The following PDGFC variants were observed in gnomAD, a reference collection of about 807,000 sequenced individuals.
PDGFC encodes platelet derived growth factor C, also known as platelet-derived growth factor C.
A neutral mutation model predicts 35.5 loss-of-function variants in PDGFC; 12 were observed. The observed-to-expected ratio is 0.34, with a 90% confidence interval of 0.22 to 0.55. The LOEUF (loss-of-function observed/expected upper bound fraction) is 0.55, where lower values mean the gene tolerates loss of function less well. Among genes scored for constraint, PDGFC ranks in the 20% least tolerant of loss-of-function variants. The pLI, the probability that PDGFC is intolerant of heterozygous loss-of-function variation, is 0.91. For synonymous variants in PDGFC, 159 were observed against 148.8 expected (o/e 1.07, Z -0.50); for missense variants, 322 against 412.4 (o/e 0.78, Z 1.90).
chr4:156,897,663 A>G (rs959643421), intron 1 of PDGFC, among the ~76,000 whole-genome samples: 26 of 152,330 alleles, frequency 1.7e-4, no homozygotes, highest in African/African-American at 6.3e-4. Flanking sequence ...ATCAATATCT[A>G]CATTAACAGA....
At chr4:156,834,693 A>G (rs1368126587) in intron 2 of PDGFC, among the ~76,000 whole-genome samples, 1 of 152,170 alleles carries the variant, frequency 6.6e-6, no homozygotes, top group Non-Finnish European at 1.5e-5. Flanking sequence ...CTTACTTGAG[A>G]TTTGAAAATT....
In PDGFC at chr4:156,828,800, A is replaced by C. The variant is rs189957489; in HGVS notation, c.315-17783T>G. On this transcript the variant is annotated intron_variant, in intron 2 of 5. Transcript: ENST00000502773. ...TGTATATACTTTAAGAATATTCATGACCAATCAATAAAATCAATCACTTGG... is the reference window on the plus strand; with the variant it reads ...TGTATATACTTTAAGAATATTCATGCCCAATCAATAAAATCAATCACTTGG... Among the ~76,000 whole-genome samples the C allele has an allele frequency of 2.9e-3, 442 of 152,288 alleles. 3 individuals are homozygous for C. The highest frequency in any genetic ancestry group is 0.01 in the African/African-American group (418 of 41,576).
chr4:156,842,622 T>C (rs1303270865), intron 2 of PDGFC, among the ~76,000 whole-genome samples: 2 of 152,086 alleles, frequency 1.3e-5, no homozygotes, highest in Non-Finnish European at 2.9e-5. Flanking sequence ...GAAGTTCAAA[T>C]CTCTCAGCTT....
In PDGFC at chr4:156,971,073, T is replaced by C. The variant is rs1732581710; in HGVS notation, c.-170A>G. Reference sequence around the variant, plus strand: ...CCACATAATCCCATCCAAAACTTTTTCCTAGAGCCCTCTTCTGTGTCTCCA... The same window carrying C: ...CCACATAATCCCATCCAAAACTTTTCCCTAGAGCCCTCTTCTGTGTCTCCA... On this transcript the variant is annotated 5_prime_UTR_variant, in exon 1 of 6. Transcript: ENST00000502773. 8.6e-6 allele frequency: 5 copies of C among 581,760 alleles called. No individual in the cohort carries two copies. Among genetic ancestry groups the C allele is most frequent in the Non-Finnish European group, 1.5e-5 (5 of 325,380 alleles). 36.0% of individuals were successfully genotyped at this position (581,760 alleles called of 1,614,324 possible).
At chr4:156,851,804 G>T (rs557174701) in intron 1 of PDGFC, among the ~76,000 whole-genome samples, 287 of 151,648 alleles carry the variant, frequency 1.9e-3, no homozygotes, top group African/African-American at 6.7e-3. Context: ...AGGGGCGGGC[G>T]CCTGTAGTCC....
intron 1 of PDGFC, among the ~76,000 whole-genome samples, chr4:156,901,610 T>C (rs930248265): frequency 1.3e-5 from 2 of 151,498 alleles, no homozygotes; most frequent in Admixed American, 6.6e-5. Flanking sequence ...TTATTATTAT[T>C]ATTATTATTA....
intron 1 of PDGFC, among the ~76,000 whole-genome samples, chr4:156,901,075 T>C (rs1433693593): frequency 6.6e-6 from 1 of 152,146 alleles, no homozygotes; most frequent in African/African-American, 2.4e-5. Flanking sequence ...GAGCTTGTAT[T>C]TTCTCTGCTA....
chr4:156,837,143 G>C (rs1729082148), intron 2 of PDGFC, among the ~76,000 whole-genome samples: 1 of 152,216 alleles, frequency 6.6e-6, no homozygotes, highest in African/African-American at 2.4e-5. Context: ...TGATGAGGTT[G>C]AGACAAGAAA....
chr4:156,772,843 T>C lies in PDGFC; in HGVS notation c.546A>G (p.Pro182=), dbSNP rs114678449. 6.2e-7 allele frequency: 1 copy of C among 1,613,446 alleles called. No individual in the cohort carries two copies. Among genetic ancestry groups the C allele is most frequent in the African/African-American group, 1.3e-5 (1 of 75,016 alleles). ...TTATAGCATTATTAAGCAGGTCCAG[T>C]GGCAAAGCTGAAGGGGGTAGCACTG... ...SPSVLPPSAL[P]LDLLNNAITA... Residue 182 remains proline, a synonymous_variant, in exon 4 of 6, where the codon CCA becomes CCG. Transcript: ENST00000502773.
chr4:156,774,277 A>C (rs1322509655), intron 3 of PDGFC: 2 of 152,220 alleles, frequency 1.3e-5, no homozygotes, highest in Non-Finnish European at 2.9e-5. Context: ...CTGCACATAT[A>C]ATATCATCTC....
At chr4:156,782,202 C>T (rs1016634552) in intron 3 of PDGFC, among the ~76,000 whole-genome samples, 10 of 152,120 alleles carry the variant, frequency 6.6e-5, no homozygotes, top group African/African-American at 2.4e-4. Context: ...TTTATGGCTA[C>T]GAATACCTCT....
chr4:156,779,513 C>A (rs1450777349), intron 3 of PDGFC, among the ~76,000 whole-genome samples: 2 of 152,078 alleles, frequency 1.3e-5, no homozygotes, highest in African/African-American at 2.4e-5. Context: ...AGCGTATGAG[C>A]CAGCATTTAA....
At chr4:156,898,880 C>A (rs1283129057) in intron 1 of PDGFC, among the ~76,000 whole-genome samples, 1 of 152,202 alleles carries the variant, frequency 6.6e-6, no homozygotes, top group Admixed American at 6.5e-5. Context: ...TGGTCTTGAT[C>A]ACCTGAGCTC....
At chr4:156,934,901 T>G (rs1012094704) in intron 1 of PDGFC, among the ~76,000 whole-genome samples, 1 of 152,208 alleles carries the variant, frequency 6.6e-6, no homozygotes, top group Non-Finnish European at 1.5e-5. Context: ...ATAATAGGCA[T>G]GGACATGTCA....
At chr4:156,896,201 A>C (rs536331080) in intron 1 of PDGFC, among the ~76,000 whole-genome samples, 16 of 152,214 alleles carry the variant, frequency 1.1e-4, no homozygotes, top group Non-Finnish European at 1.9e-4. Context: ...GTTAATTCAA[A>C]ATAAATTAAT....
chr4:156,907,302 T>G (rs971374980), intron 1 of PDGFC, among the ~76,000 whole-genome samples: 5 of 152,318 alleles, frequency 3.3e-5, no homozygotes, highest in Admixed American at 3.3e-4. Flanking sequence ...CATTAGCACC[T>G]AATTCTAATC....
At chr4:156,937,509 G>A (rs935659950) in intron 1 of PDGFC, among the ~76,000 whole-genome samples, 71 of 152,114 alleles carry the variant, frequency 4.7e-4, no homozygotes, top group African/African-American at 1.6e-3. Context: ...AGACCAGCCT[G>A]GGCAAAATAG....
intron 1 of PDGFC, among the ~76,000 whole-genome samples, chr4:156,952,834 T>C (rs1253723792): frequency 1.3e-5 from 2 of 151,848 alleles, no homozygotes; most frequent in Non-Finnish European, 2.9e-5. Context: ...CATAAACAGA[T>C]CAGTGAAAAA....
At chr4:156,789,519 C>T (rs529858903) in intron 3 of PDGFC, among the ~76,000 whole-genome samples, 3 of 152,300 alleles carry the variant, frequency 2.0e-5, no homozygotes, top group African/African-American at 4.8e-5. Context: ...AAGATCTGCA[C>T]GTGTGCACAC....
Sources: allele counts gnomAD v4.1 joint callset (sites outside exome capture counted in the v4.1 genomes callset), GRCh38; gene constraint gnomAD v4.1.1; transcripts MANE v1.5; gene names NCBI Gene and HGNC (gene_info 2026-07-23, HGNC 2026-07-21).